MAF: variants seen among roughly 807,000 people sequenced by gnomAD.
MAF encodes transcription factor Maf.
Under a neutral mutation model 22.0 loss-of-function variants are expected in MAF, and 10 were observed. That is an observed-to-expected ratio of 0.45 (90% CI 0.28 to 0.77). The LOEUF is 0.77. MAF is among the 30% of genes least tolerant of loss of function. The pLI, the probability that MAF is intolerant of heterozygous loss-of-function variation, is 0.12. For synonymous variants in MAF, 337 were observed against 255.8 expected, an observed-to-expected ratio of 1.32 and a Z score of -3.03; for missense variants, 544 against 548.4, an observed-to-expected ratio of 0.99 and a Z score of 0.08.
At chr16:79,505,110 T>A in the MAF span, among the ~76,000 whole-genome samples, 1 of 152,322 alleles carries the variant, frequency 6.6e-6, no homozygotes, top group South Asian at 2.1e-4. Context: ...ACCTACAAGG[T>A]AAGTTATTTT....
At chr16:79,209,124 C>CCAT in the MAF span, among the ~76,000 whole-genome samples, 3 of 152,270 alleles carry the variant, frequency 2.0e-5, no homozygotes, top group East Asian at 3.9e-4. Flanking sequence ...GGAATCAAAG[C>CCAT]CATCTCCTGA....
the MAF span, among the ~76,000 whole-genome samples, chr16:79,266,837 G>T: frequency 1.3e-5 from 2 of 152,198 alleles, no homozygotes; most frequent in Admixed American, 1.3e-4. Context: ...TTAGAAAAAG[G>T]TACCAACCAG....
the MAF span, among the ~76,000 whole-genome samples, chr16:79,347,503 C>T: frequency 4.6e-5 from 7 of 152,350 alleles, no homozygotes; most frequent in Non-Finnish European, 1.0e-4. Flanking sequence ...TTGTCCTCAG[C>T]ACGGCTGGAG....
At chr16:79,568,247 G>T in the MAF span, among the ~76,000 whole-genome samples, 1 of 152,212 alleles carries the variant, frequency 6.6e-6, no homozygotes, top group African/African-American at 2.4e-5. Flanking sequence ...AAGTCTGGCA[G>T]GGATGGGTGT....
At chr16:79,487,917 C>T in the MAF span, among the ~76,000 whole-genome samples, 6 of 152,286 alleles carry the variant, frequency 3.9e-5, no homozygotes, top group South Asian at 6.2e-4. Context: ...AATCTTTCCA[C>T]GCAGGGGATA....
At chr16:79,390,596 C>T in the MAF span, among the ~76,000 whole-genome samples, 3 of 152,164 alleles carry the variant, frequency 2.0e-5, no homozygotes, top group Admixed American at 6.6e-5. Flanking sequence ...TTATGAAAAA[C>T]CCGGCTTGGA....
chr16:79,302,383 A>T, the MAF span, among the ~76,000 whole-genome samples: 1 of 152,218 alleles, frequency 6.6e-6, no homozygotes, highest in Non-Finnish European at 1.5e-5. Flanking sequence ...ACAGGCTACC[A>T]AGAAAAGTGG....
chr16:79,554,177 A>C, the MAF span, among the ~76,000 whole-genome samples: 20 of 152,232 alleles, frequency 1.3e-4, no homozygotes, highest in African/African-American at 4.8e-4. Flanking sequence ...CTGTTCACTT[A>C]CTATGAGCTA....
chr16:79,578,069 C>G, the MAF span, among the ~76,000 whole-genome samples: 1 of 152,016 alleles, frequency 6.6e-6, no homozygotes, highest in South Asian at 2.1e-4. Context: ...TAATAAATAG[C>G]AAATAACAAG....
At chr16:79,541,237 G>A in the MAF span, among the ~76,000 whole-genome samples, 13 of 152,222 alleles carry the variant, frequency 8.5e-5, no homozygotes, top group African/African-American at 2.9e-4. Context: ...CACCTCATGC[G>A]TTTACAGCAA....
At chr16:79,525,958 T>G in the MAF span, among the ~76,000 whole-genome samples, 1 of 152,178 alleles carries the variant, frequency 6.6e-6, no homozygotes, top group South Asian at 2.1e-4. Flanking sequence ...CGTGAGGACA[T>G]CAGCTTCCTT....
the MAF span, among the ~76,000 whole-genome samples, chr16:79,370,103 C>G: frequency 6.6e-6 from 1 of 152,138 alleles, no homozygotes; most frequent in South Asian, 2.1e-4. Flanking sequence ...AAGGATGTTT[C>G]TCTCCTCTAA....
chr16:79,311,017 C>A, the MAF span, among the ~76,000 whole-genome samples: 4 of 141,494 alleles, frequency 2.8e-5, no homozygotes, highest in Non-Finnish European at 4.5e-5. Context: ...GCTGCTTTTT[C>A]ATTTTTTTTT....
the MAF span, among the ~76,000 whole-genome samples, chr16:79,521,184 T>A: frequency 2.6e-5 from 4 of 152,204 alleles, no homozygotes; most frequent in Non-Finnish European, 5.9e-5. Context: ...CTCAAGTGAC[T>A]GGGAATTCTA....
At chr16:79,268,970 G>C in the MAF span, among the ~76,000 whole-genome samples, 1 of 152,176 alleles carries the variant, frequency 6.6e-6, no homozygotes, top group Non-Finnish European at 1.5e-5. Flanking sequence ...TGAGAATTAA[G>C]AGATAAAAGC....
the MAF span, among the ~76,000 whole-genome samples, chr16:79,236,054 A>G: frequency 6.6e-6 from 1 of 152,168 alleles, no homozygotes; most frequent in Non-Finnish European, 1.5e-5. Flanking sequence ...TGAAACCCTG[A>G]CACTCCCATA....
chr16:79,311,267 C>T, the MAF span, among the ~76,000 whole-genome samples: 9 of 151,920 alleles, frequency 5.9e-5, no homozygotes, highest in African/African-American at 2.2e-4. Flanking sequence ...TTTCTCTTTT[C>T]TTTCCCCTCT....
chr16:79,466,826 A>T, the MAF span, among the ~76,000 whole-genome samples: 1 of 152,178 alleles, frequency 6.6e-6, no homozygotes, highest in Non-Finnish European at 1.5e-5. Flanking sequence ...ACTCATGTTC[A>T]TCTTTTCCCC....
At chr16:79,212,062 G>C in the MAF span, 7 of 1,536,418 alleles carry the variant, frequency 4.6e-6, no homozygotes, top group Non-Finnish European at 5.2e-6. Context: ...AAACCTGCTT[G>C]GTGTGTAGGT....
Sources: allele counts gnomAD v4.1 joint callset (sites outside exome capture counted in the v4.1 genomes callset), GRCh38; gene constraint gnomAD v4.1.1; transcripts MANE v1.5; gene names NCBI Gene and HGNC (gene_info 2026-07-23, HGNC 2026-07-21).